Variants in LRRC4C observed in about 807,000 individuals in gnomAD.
LRRC4C encodes the protein leucine rich repeat containing 4C, also known as leucine-rich repeat-containing protein 4C.
Under a neutral mutation model 33.6 loss-of-function variants are expected in LRRC4C, and 5 were observed. The ratio of observed to expected loss-of-function variants is 0.15; its 90% CI spans 0.08 to 0.31. The LOEUF is 0.31. Ranked by LOEUF, LRRC4C falls within the 10% of genes least tolerant of loss-of-function variation. The probability of loss-of-function intolerance (pLI) is 1.00; values close to 1 mark genes in which losing one functional copy is unlikely to be tolerated. For synonymous variants in LRRC4C, 329 were observed against 302.0 expected (o/e 1.09, Z -0.93); for missense variants, 560 against 796.7 (o/e 0.70, Z 3.58).
At chr11:40,247,924 G>A (rs915053865) in intron 4 of LRRC4C, among the ~76,000 whole-genome samples, 3 of 152,156 alleles carry the variant, frequency 2.0e-5, no homozygotes, top group African/African-American at 7.2e-5. Context: ...AGAAAATGAT[G>A]TTATGTCTCT....
At chr11:41,120,574 G>A (rs768471859) in intron 1 of LRRC4C, among the ~76,000 whole-genome samples, 1 of 152,172 alleles carries the variant, frequency 6.6e-6, no homozygotes, top group Non-Finnish European at 1.5e-5. Flanking sequence ...CTGTTTGACA[G>A]TGGCTATATT....
intron 3 of LRRC4C, among the ~76,000 whole-genome samples, chr11:40,492,980 G>A (rs528934159): frequency 6.6e-6 from 1 of 151,954 alleles, no homozygotes; most frequent in African/African-American, 2.4e-5. Context: ...TGTTATAAGT[G>A]AGAAGGTCTA....
At chr11:41,086,723 A>G (rs1420240991) in intron 1 of LRRC4C, among the ~76,000 whole-genome samples, 3 of 152,148 alleles carry the variant, frequency 2.0e-5, no homozygotes, top group Non-Finnish European at 2.9e-5. Flanking sequence ...AAGCAGCTAA[A>G]AACTGCTATG....
At chr11:40,687,142 G>T (rs1021586637) in intron 2 of LRRC4C, among the ~76,000 whole-genome samples, 6 of 151,936 alleles carry the variant, frequency 3.9e-5, no homozygotes, top group Admixed American at 6.6e-5. Context: ...GGTTTTTAAG[G>T]CTCTCTCAAG....
intron 2 of LRRC4C, among the ~76,000 whole-genome samples, chr11:40,730,248 A>G (rs960611440): frequency 1.3e-5 from 2 of 152,184 alleles, no homozygotes; most frequent in African/African-American, 4.8e-5. Context: ...AACTTAAAGT[A>G]TAATTTAAAA....
intron 2 of LRRC4C, among the ~76,000 whole-genome samples, chr11:40,913,806 C>A (rs1436576082): frequency 6.6e-6 from 1 of 151,758 alleles, no homozygotes; most frequent in African/African-American, 2.4e-5. Flanking sequence ...ACTAGTAAGA[C>A]TAATAAAGAA....
At chr11:40,157,058 A>G (rs2135302855) in intron 5 of LRRC4C, among the ~76,000 whole-genome samples, 1 of 152,294 alleles carries the variant, frequency 6.6e-6, no homozygotes, top group Middle Eastern at 3.4e-3. Flanking sequence ...TACTGGTATG[A>G]AAATAGGCAC....
At chr11:40,181,986 A>C (rs1861043483) in intron 5 of LRRC4C, among the ~76,000 whole-genome samples, 1 of 152,192 alleles carries the variant, frequency 6.6e-6, no homozygotes, top group Non-Finnish European at 1.5e-5. Flanking sequence ...AGGAAATGTA[A>C]TTATCAGGAA....
intron 1 of LRRC4C, among the ~76,000 whole-genome samples, chr11:41,380,187 G>A (rs1953090752): frequency 6.6e-6 from 1 of 152,102 alleles, no homozygotes; most frequent in Admixed American, 6.6e-5. Flanking sequence ...GAACAGGGAA[G>A]GTATTTTCAA....
chr11:40,854,629 G>GT (rs1953683003), intron 2 of LRRC4C, among the ~76,000 whole-genome samples: 2 of 151,068 alleles, frequency 1.3e-5, no homozygotes, highest in African/African-American at 2.4e-5. Context: ...TTCTGGTATA[G>GT]TTTTTTTGCT....
chr11:40,748,490 C>T (rs1948535404), intron 2 of LRRC4C, among the ~76,000 whole-genome samples: 1 of 151,934 alleles, frequency 6.6e-6, no homozygotes, highest in Admixed American at 6.6e-5. Context: ...AAAGCAAACA[C>T]ACAAATGAGG....
At chr11:40,666,052 T>C (rs1025153863) in intron 2 of LRRC4C, among the ~76,000 whole-genome samples, 1 of 152,086 alleles carries the variant, frequency 6.6e-6, no homozygotes, top group Non-Finnish European at 1.5e-5. Context: ...CCTGGTTTAT[T>C]ATGATGAGCA....
At chr11:40,886,081 G>C (rs1308790445) in intron 2 of LRRC4C, among the ~76,000 whole-genome samples, 1 of 151,936 alleles carries the variant, frequency 6.6e-6, no homozygotes, top group Non-Finnish European at 1.5e-5. Context: ...TGTAAACTTG[G>C]ATATTATCTC....
intron 2 of LRRC4C, among the ~76,000 whole-genome samples, chr11:40,749,033 G>A (rs73475341): frequency 6.6e-6 from 1 of 152,072 alleles, no homozygotes; most frequent in Non-Finnish European, 1.5e-5. Context: ...GCAATGGAAT[G>A]ATTGTAGGAG....
At chr11:40,496,222 T>C (rs1260548527) in intron 3 of LRRC4C, among the ~76,000 whole-genome samples, 1 of 152,102 alleles carries the variant, frequency 6.6e-6, no homozygotes, top group Non-Finnish European at 1.5e-5. Flanking sequence ...ACATGAATTA[T>C]TTTAGATTTG....
chr11:40,993,477 T>C (rs1050990793), intron 1 of LRRC4C, among the ~76,000 whole-genome samples: 4 of 152,166 alleles, frequency 2.6e-5, no homozygotes, highest in Non-Finnish European at 5.9e-5. Context: ...GTCATCTGCT[T>C]ATAACAAAAC....
intron 1 of LRRC4C, among the ~76,000 whole-genome samples, chr11:41,425,302 G>A (rs375611138): frequency 1.3e-5 from 2 of 152,036 alleles, no homozygotes; most frequent in Non-Finnish European, 2.9e-5. Flanking sequence ...TGAAGGGCAG[G>A]GGAAGGGCCA....
chr11:40,155,049 G>T (rs1858568883), intron 5 of LRRC4C, among the ~76,000 whole-genome samples: 1 of 151,922 alleles, frequency 6.6e-6, no homozygotes, highest in African/African-American at 2.4e-5. Flanking sequence ...ACTCCAAAAA[G>T]AACCTTTAAA....
intron 2 of LRRC4C, among the ~76,000 whole-genome samples, chr11:40,686,832 T>C (rs1944982506): frequency 6.6e-6 from 1 of 152,078 alleles, no homozygotes; most frequent in South Asian, 2.1e-4. Flanking sequence ...GACTAGTGTT[T>C]ATCTCAACAC....
Sources: gnomAD v4.1 joint callset for allele counts (sites outside exome capture counted in the v4.1 genomes callset) on GRCh38, gnomAD v4.1.1 for gene constraint, MANE v1.5 for transcripts, NCBI Gene and HGNC (gene_info 2026-07-23, HGNC 2026-07-21) for gene names.